SUZ12: variants seen among roughly 807,000 people sequenced by gnomAD.
SUZ12 encodes SUZ12 polycomb repressive complex 2 subunit, also known as polycomb protein SUZ12.
A neutral mutation model predicts 87.3 loss-of-function variants in SUZ12; 17 were observed. That is an observed-to-expected ratio of 0.19 (90% CI 0.13 to 0.29). The LOEUF (loss-of-function observed/expected upper bound fraction) is 0.29. Ranked by LOEUF, SUZ12 falls within the 10% of genes least tolerant of loss-of-function variation. The probability of loss-of-function intolerance (pLI) is 1.00; values close to 1 mark genes in which losing one functional copy is unlikely to be tolerated. For synonymous variants in SUZ12, 253 were observed against 312.4 expected (o/e 0.81, Z 2.01); for missense variants, 526 against 912.2 (o/e 0.58, Z 5.45).
At chr17:31,971,469 C>T (rs1908428383) in intron 5 of SUZ12, among the ~76,000 whole-genome samples, 1 of 142,424 alleles carries the variant, frequency 7.0e-6, no homozygotes, top group South Asian at 2.3e-4. Context: ...CTCTTGTTGC[C>T]CAGGCTGGAG....
intron 4 of SUZ12, among the ~76,000 whole-genome samples, chr17:31,958,181 C>T (rs1309544805): frequency 6.6e-6 from 1 of 151,712 alleles, no homozygotes; most frequent in Non-Finnish European, 1.5e-5. Flanking sequence ...GGATTGCAGG[C>T]GTGAGCCACC....
At chr17:31,994,538 T>TA (rs1491075309) in intron 12 of SUZ12, 26 bp from the exon 13 acceptor site, 8 of 877,880 alleles carry the variant, frequency 9.1e-6, no homozygotes, top group South Asian at 5.3e-5. Context: ...ACTTAATATA[T>TA]TTTTTTTTTT....
intron 8 of SUZ12, among the ~76,000 whole-genome samples, chr17:31,978,910 G>A (rs1908912899): frequency 6.6e-6 from 1 of 151,504 alleles, no homozygotes; most frequent in Non-Finnish European, 1.5e-5. Context: ...GATCGAGACC[G>A]TCCTGGCCAA....
At chr17:31,978,201 TTTTA>T (rs1377336226) in intron 8 of SUZ12, among the ~76,000 whole-genome samples, 2 of 151,916 alleles carry the variant, frequency 1.3e-5, no homozygotes, top group Non-Finnish European at 2.9e-5. Flanking sequence ...ATTGTTTATT[TTTTA>T]TTTATTTATT....
At chr17:31,954,103 C>A (rs1907153703) in intron 4 of SUZ12, among the ~76,000 whole-genome samples, 1 of 150,224 alleles carries the variant, frequency 6.7e-6, no homozygotes, top group Non-Finnish European at 1.5e-5. Flanking sequence ...TGCTTTGTTG[C>A]CCAGGCAAGA....
chr17:31,994,116 AAAT>A (rs1909856056), intron 12 of SUZ12, 108 bp downstream of exon 12: 2 of 1,040,090 alleles, frequency 1.9e-6, no homozygotes, highest in Non-Finnish European at 2.7e-6. Context: ...AAAAGGGAAA[AAAT>A]ATGCATTAAG....
chr17:31,966,252 T>A, intron 5 of SUZ12, 56 bp downstream of exon 5: 1 of 1,431,648 alleles, frequency 7.0e-7, no homozygotes, highest in Non-Finnish European at 9.5e-7. Flanking sequence ...CCTTTGTGAA[T>A]GTAAAAAAAG....
intron 9 of SUZ12, among the ~76,000 whole-genome samples, chr17:31,987,145 G>A (rs1018690233): frequency 7.9e-5 from 12 of 152,094 alleles, no homozygotes; most frequent in Non-Finnish European, 1.0e-4. Context: ...AGAAACGAAA[G>A]GATAGGAGTC....
At chr17:31,983,531 T>C (rs1303298052) in intron 9 of SUZ12, among the ~76,000 whole-genome samples, 2 of 152,038 alleles carry the variant, frequency 1.3e-5, no homozygotes, top group Admixed American at 1.3e-4. Flanking sequence ...CTGCCCACCT[T>C]GGCCTCCCAA....
At chr17:31,965,774 T>A (rs1908049196) in intron 4 of SUZ12, 1 of 162,072 alleles carries the variant, frequency 6.2e-6, no homozygotes, top group African/African-American at 2.4e-5. Context: ...CCTCCAAAAT[T>A]CCTTTTTAAA....
At chr17:31,970,571 G>T (rs948707180) in intron 5 of SUZ12, among the ~76,000 whole-genome samples, 10 of 151,974 alleles carry the variant, frequency 6.6e-5, no homozygotes, top group African/African-American at 2.4e-4. Context: ...CAGGCTGCAG[G>T]GAGCCGAGAT....
At chr17:31,966,473 G>C (rs1365279528) in intron 5 of SUZ12, 3 of 303,386 alleles carry the variant, frequency 9.9e-6, no homozygotes, top group Non-Finnish European at 1.8e-5. Context: ...TCAGCCTCCT[G>C]AGTAGCTGGG....
intron 9 of SUZ12, among the ~76,000 whole-genome samples, chr17:31,986,076 C>T (rs1209506950): frequency 6.6e-6 from 1 of 152,098 alleles, no homozygotes; most frequent in South Asian, 2.1e-4. Flanking sequence ...TCAAGCAATT[C>T]TCTTGCCTCA....
intron 3 of SUZ12, among the ~76,000 whole-genome samples, chr17:31,941,201 A>C (rs1906257968): frequency 6.7e-6 from 1 of 149,898 alleles, no homozygotes; most frequent in Non-Finnish European, 1.5e-5. Flanking sequence ...TCCTGGGTTC[A>C]TGCCATTCTC....
chr17:31,986,597 G>T (rs1239040077), intron 9 of SUZ12, among the ~76,000 whole-genome samples: 1 of 151,936 alleles, frequency 6.6e-6, no homozygotes, highest in Non-Finnish European at 1.5e-5. Context: ...CTGTCTCCAG[G>T]CTGGAGTGCA....
Position 31,998,977 on chromosome 17 carries a change from A to G in SUZ12, c.2194A>G (p.Lys732Glu), listed in dbSNP as rs767532799. 1.9e-6 allele frequency: 3 copies of G among 1,559,104 alleles called. No homozygotes were observed. The East Asian group carries it at 6.8e-5, about 35-fold the overall frequency. Residue 732 changes from lysine (K) to glutamate (E), a missense_variant, in exon 16 of 16, where the codon AAA (lysine) becomes GAA (glutamate). Around this residue, in one of 9 missense-constraint regions of SUZ12, gnomAD observed 56 missense variants for 56.6 expected, o/e 0.99. Transcript: ENST00000322652. ...AACAGATAGTGTCTCAGGGGTTTCA[A>G]AACAGAGCAAAAAACAAAAACTCTG... The part of the protein sequence containing the change: ...LETDSVSGVS[K>E]QSKKQKL
rs944266929 is a variant in SUZ12 at position 31,951,711 on chromosome 17, C to G, written c.455+4026C>G. Among the ~76,000 whole-genome samples, 3 of 150,324 alleles carry G rather than the reference C, an allele frequency of 2.0e-5. 1 individual carries two copies. The highest frequency in any genetic ancestry group is 7.3e-5 in the African/African-American group (3 of 40,852). ...CAGGATGGTCTCGATCTCCTGACCTCGTGATCCACCCGCCTTGGCCTCCCA... is the reference window on the plus strand; with the variant it reads ...CAGGATGGTCTCGATCTCCTGACCTGGTGATCCACCCGCCTTGGCCTCCCA... On this transcript the variant is annotated intron_variant, in intron 4 of 15. Coordinates refer to ENST00000322652, the MANE Select transcript of SUZ12 (RefSeq NM_015355.4).
In SUZ12 at chr17:31,953,865, T is replaced by A. The variant is rs189574617; in HGVS notation, c.455+6180T>A. ...AGTAGCTGGGATTATAGGCACGCGG[T>A]GCCACTCCCAGCTAATTTTTGTATT... is the stretch of plus-strand genomic sequence containing the variant. On this transcript the variant is annotated intron_variant, in intron 4 of 15. Coordinates refer to ENST00000322652, the MANE Select transcript of SUZ12 (RefSeq NM_015355.4). 2.4e-3 allele frequency among the ~76,000 whole-genome samples: 367 copies of A among 150,144 alleles called. 1 individual carries two copies. The highest frequency in any genetic ancestry group is 8.3e-3 in the African/African-American group (338 of 40,776).
intron 4 of SUZ12, among the ~76,000 whole-genome samples, chr17:31,955,902 A>T (rs866812665): frequency 6.6e-6 from 1 of 151,248 alleles, no homozygotes; most frequent in Non-Finnish European, 1.5e-5. Context: ...AAAGTTGTAT[A>T]TTATTATTAT....
Sources: allele counts gnomAD v4.1 joint callset (sites outside exome capture counted in the v4.1 genomes callset), GRCh38; gene constraint gnomAD v4.1.1; regional missense constraint gnomAD v4.1.1; transcripts MANE v1.5; gene names NCBI Gene and HGNC (gene_info 2026-07-23, HGNC 2026-07-21).